The following CTBP1 variants were observed in gnomAD, a reference collection of about 807,000 sequenced individuals.
CTBP1 encodes the protein C-terminal-binding protein 1.
CTBP1 carries 11 observed loss-of-function variants against 42.1 expected under a neutral mutation model. The ratio of observed to expected loss-of-function variants is 0.26; its 90% confidence interval spans 0.16 to 0.43. The LOEUF (loss-of-function observed/expected upper bound fraction) is 0.43. CTBP1 is among the 20% of genes least tolerant of loss of function. The pLI, the probability that CTBP1 is intolerant of heterozygous loss-of-function variation, is 1.00. For synonymous variants in CTBP1, 324 were observed against 277.1 expected, an observed-to-expected ratio of 1.17 and a Z score of -1.68; for missense variants, 399 against 624.3, an observed-to-expected ratio of 0.64 and a Z score of 3.85.
chr4:1,214,783 C>T (rs954691193), intron 6 of CTBP1, among the ~76,000 whole-genome samples: 1 of 152,208 alleles, frequency 6.6e-6, no homozygotes, highest in East Asian at 1.9e-4. Flanking sequence ...CCCTGTGGTA[C>T]CCCTTTTCTG....
chr4:1,248,350 C>T (rs1013223611), intron 1 of CTBP1, among the ~76,000 whole-genome samples: 2 of 151,654 alleles, frequency 1.3e-5, no homozygotes, highest in Non-Finnish European at 2.9e-5. Context: ...GCGGCCTCCT[C>T]CACGGTCATA....
chr4:1,237,999 C>T (rs780511556), intron 3 of CTBP1, 184 bp downstream of exon 3: 32 of 800,800 alleles, frequency 4.0e-5, no homozygotes, highest in South Asian at 3.9e-4. Flanking sequence ...CCGATGTCCA[C>T]CTCCTGATGG....
chr4:1,223,388 C>T (rs1406849404), intron 5 of CTBP1: 3 of 453,716 alleles, frequency 6.6e-6, no homozygotes, highest in Non-Finnish European at 8.9e-6. Flanking sequence ...GCACGTGTTC[C>T]ATGCACATCC....
intron 5 of CTBP1, among the ~76,000 whole-genome samples, chr4:1,222,106 C>T (rs1316026238): frequency 6.6e-6 from 1 of 152,228 alleles, no homozygotes; most frequent in Non-Finnish European, 1.5e-5. Flanking sequence ...GACATGCACA[C>T]CCTGGGAGAG....
At chr4:1,219,974 A>G (rs1246845925) in intron 5 of CTBP1, among the ~76,000 whole-genome samples, 1 of 152,264 alleles carries the variant, frequency 6.6e-6, no homozygotes, top group African/African-American at 2.4e-5. Flanking sequence ...CGGGAGGCCA[A>G]GATGGGTGGA....
rs751734753 is a variant in CTBP1 at position 1,242,360 on chromosome 4, C to G, written c.-188-841G>C. On this transcript the variant is annotated intron_variant, in intron 1 of 9. Transcript: ENST00000382952. ...AACGTGCAGCTGACATCAGGCTGACCAGGACAGGAGCCGGCCACCACCAGC... is the reference window on the plus strand; with the variant it reads ...AACGTGCAGCTGACATCAGGCTGACGAGGACAGGAGCCGGCCACCACCAGC... 9.1e-6 allele frequency: 9 copies of G among 985,274 alleles called. No homozygotes were observed. The Admixed American group carries it at 2.5e-4, about 27-fold the overall frequency. 61.0% of individuals were successfully genotyped at this position (985,274 alleles called of 1,614,324 possible). A position where few individuals can be genotyped will look rare whatever the true frequency, so the allele number is the denominator to read the frequency against.
At chr4:1,224,715 T>G (rs891252875) in intron 5 of CTBP1, among the ~76,000 whole-genome samples, 1 of 150,724 alleles carries the variant, frequency 6.6e-6, no homozygotes, top group Non-Finnish European at 1.5e-5. Context: ...TGTTGTGATA[T>G]CTGTGTGAGG....
At chr4:1,217,740 G>A (rs1452149150) in intron 5 of CTBP1, 2 of 152,272 alleles carry the variant, frequency 1.3e-5, no homozygotes, top group African/African-American at 2.4e-5. Context: ...TCTGGCTTAG[G>A]ATAAGAAATT....
intron 3 of CTBP1, chr4:1,237,797 T>C: frequency 1.5e-6 from 1 of 684,948 alleles, no homozygotes. Flanking sequence ...CACCTCCTGA[T>C]GGGGCACAGG....
chr4:1,214,070 ACTGGGGC>A lies in CTBP1; in HGVS notation c.860+266_860+272del, dbSNP rs569269880. 5.5e-4 allele frequency: 265 copies of A among 483,514 alleles called. 3 individuals are homozygous for A. In the Middle Eastern group the frequency reaches 7.8e-3, roughly 14 times the overall value. 30.0% of individuals were successfully genotyped at this position (483,514 alleles called of 1,614,324 possible). On this transcript the variant is annotated intron_variant, in intron 7 of 9. Transcript: ENST00000382952. ...GGGCCCATGGGGACCACTCACAGAC[ACTGGGGC>A]CTCACTCTCTCCTGGTTGGTCAGGA...
chr4:1,212,507 G>A (rs1211464332), intron 9 of CTBP1, 84 bp from the exon 10 acceptor site: 23 of 1,212,028 alleles, frequency 1.9e-5, no homozygotes, highest in African/African-American at 4.8e-5. Context: ...CGGCAGCACC[G>A]AGGGGGCCTC....
chr4:1,226,768 C>T (rs765455312), intron 4 of CTBP1, among the ~76,000 whole-genome samples: 1 of 151,792 alleles, frequency 6.6e-6, no homozygotes, highest in Non-Finnish European at 1.5e-5. Flanking sequence ...CTTCCTGGGA[C>T]GCCACCACAG....
At chr4:1,234,682 A>G (rs535956387) in intron 3 of CTBP1, 74 of 152,368 alleles carry the variant, frequency 4.9e-4, no homozygotes, top group African/African-American at 1.7e-3. Flanking sequence ...TTACGACACC[A>G]AAAGTTTTCT....
At chr4:1,244,935 C>T (rs1732562222) in intron 1 of CTBP1, 1 of 985,350 alleles carries the variant, frequency 1.0e-6, no homozygotes, top group African/African-American at 1.7e-5. Context: ...GAGATACAGC[C>T]ACCTGCCGCC....
At chr4:1,229,054 T>C (rs2108759472) in intron 3 of CTBP1, among the ~76,000 whole-genome samples, 1 of 152,314 alleles carries the variant, frequency 6.6e-6, no homozygotes, top group East Asian at 1.9e-4. Context: ...AACAAAGACC[T>C]GGCACACAGC....
intron 3 of CTBP1, among the ~76,000 whole-genome samples, chr4:1,232,202 C>T (rs1367190400): frequency 6.6e-6 from 1 of 152,260 alleles, no homozygotes; most frequent in Non-Finnish European, 1.5e-5. Flanking sequence ...GCCCCTGCAC[C>T]AGCTCTGAGT....
At chr4:1,246,994 G>A (rs1422513333) in intron 1 of CTBP1, among the ~76,000 whole-genome samples, 1 of 152,200 alleles carries the variant, frequency 6.6e-6, no homozygotes, top group Admixed American at 6.5e-5. Context: ...CCGGCTCTGC[G>A]CCAAGCCCAC....
rs1032361833 is a variant in CTBP1 at position 1,211,987 on chromosome 4, A to T, written c.*253T>A. ...AATGTTCTAAAAACTGTACACAGACAAGAACGTTCATGGGAGAATAACTAC... is the reference window on the plus strand; with the variant it reads ...AATGTTCTAAAAACTGTACACAGACTAGAACGTTCATGGGAGAATAACTAC... On this transcript the variant is annotated 3_prime_UTR_variant, in exon 10 of 10. Transcript: ENST00000382952. 1 of 350,568 alleles carries T rather than the reference A, an allele frequency of 2.9e-6. No individual in the cohort carries two copies. The highest frequency in any genetic ancestry group is 5.1e-6 in the Non-Finnish European group (1 of 196,436). The allele number at this position is 350,568 out of a possible 1,614,324, so 21.7% of individuals were successfully genotyped here.
chr4:1,232,641 TAATTA>T (rs1421688889), intron 3 of CTBP1, among the ~76,000 whole-genome samples: 2 of 152,358 alleles, frequency 1.3e-5, no homozygotes, highest in Non-Finnish European at 2.9e-5. Flanking sequence ...AATTGCCATT[TAATTA>T]AAGTGACCTT....
Sources: allele counts gnomAD v4.1 joint callset (sites outside exome capture counted in the v4.1 genomes callset), GRCh38; gene constraint gnomAD v4.1.1; transcripts MANE v1.5; gene names NCBI Gene and HGNC (gene_info 2026-07-23, HGNC 2026-07-21).